Variants in CSRNP3 observed in about 807,000 individuals in gnomAD.
CSRNP3 encodes the protein cysteine/serine-rich nuclear protein 3.
Under a neutral mutation model 48.0 loss-of-function variants are expected in CSRNP3, and 12 were observed. The observed-to-expected ratio is 0.25, with a 90% CI of 0.16 to 0.41. The LOEUF is 0.41. CSRNP3 is among the 10% of genes least tolerant of loss of function. CSRNP3 has a pLI of 1.00. For synonymous variants in CSRNP3, 263 were observed against 269.7 expected, an observed-to-expected ratio of 0.98 and a Z score of 0.24; for missense variants, 580 against 724.4, an observed-to-expected ratio of 0.80 and a Z score of 2.29.
intron 3 of CSRNP3, among the ~76,000 whole-genome samples, chr2:165,549,172 T>G (rs1020382382): frequency 6.6e-6 from 1 of 152,058 alleles, no homozygotes; most frequent in Non-Finnish European, 1.5e-5. Flanking sequence ...TGATTCATAT[T>G]GTGAAGATGA....
At chr2:165,673,416 G>A (rs1391031517) in intron 5 of CSRNP3, among the ~76,000 whole-genome samples, 1 of 151,862 alleles carries the variant, frequency 6.6e-6, no homozygotes, top group Non-Finnish European at 1.5e-5. Context: ...GTGATTACAG[G>A]CATGAGCCAC....
At chr2:165,575,020 T>C (rs1685425883) in intron 3 of CSRNP3, among the ~76,000 whole-genome samples, 1 of 152,228 alleles carries the variant, frequency 6.6e-6, no homozygotes, top group South Asian at 2.1e-4. Context: ...TTGATTTTTC[T>C]AATTGTTATA....
chr2:165,493,409 A>G (rs1198649135), intron 1 of CSRNP3, among the ~76,000 whole-genome samples: 3 of 152,052 alleles, frequency 2.0e-5, no homozygotes, highest in African/African-American at 7.2e-5. Flanking sequence ...TGTTGAGCTG[A>G]TGGGGAAGAG....
At chr2:165,579,455 C>G (rs1278802891) in intron 3 of CSRNP3, among the ~76,000 whole-genome samples, 1 of 152,002 alleles carries the variant, frequency 6.6e-6, no homozygotes, top group African/African-American at 2.4e-5. Flanking sequence ...ATCTTTGTAC[C>G]TCTGCTCTAC....
intron 4 of CSRNP3, among the ~76,000 whole-genome samples, chr2:165,609,300 A>T (rs1375263572): frequency 6.8e-6 from 1 of 147,386 alleles, no homozygotes; most frequent in East Asian, 2.0e-4. Flanking sequence ...CTAAAAAAAA[A>T]TACAAAAAAT....
chr2:165,524,159 G>A (rs1474456674), intron 3 of CSRNP3, among the ~76,000 whole-genome samples: 1 of 152,126 alleles, frequency 6.6e-6, no homozygotes, highest in East Asian at 1.9e-4. Flanking sequence ...TCCAAGGAAA[G>A]TCGATTAACA....
chr2:165,489,351 C>A (rs1433003805), intron 1 of CSRNP3, among the ~76,000 whole-genome samples: 10 of 138,818 alleles, frequency 7.2e-5, no homozygotes, highest in Non-Finnish European at 9.3e-5. Context: ...GATTCACAGC[C>A]GAATTCTACC....
rs1004399920 is a variant in CSRNP3, at chr2:165,680,080, C to A, written c.*327C>A. ...GAGCTCCAAATTTTGGATTATCGGG[C>A]CTGTGCAAGATTGTTAACTAAGGCT... On this transcript the variant is annotated 3_prime_UTR_variant, in exon 7 of 7. Coordinates refer to ENST00000651982, the MANE Select transcript of CSRNP3 (RefSeq NM_001172173.2). 8.4e-6 allele frequency: 2 copies of A among 237,278 alleles called. No homozygotes were observed. Among genetic ancestry groups the A allele is most frequent in the East Asian group, 8.8e-5 (1 of 11,378 alleles). 14.7% of individuals were successfully genotyped at this position (237,278 alleles called of 1,614,324 possible).
chr2:165,470,141 C>T (rs1412093941), intron 1 of CSRNP3, among the ~76,000 whole-genome samples: 1 of 152,052 alleles, frequency 6.6e-6, no homozygotes, highest in African/African-American at 2.4e-5. Context: ...ATGGAGCCTT[C>T]TGTGAATATA....
chr2:165,611,386 C>T (rs200852622), intron 4 of CSRNP3, among the ~76,000 whole-genome samples: 3 of 89,640 alleles, frequency 3.3e-5, no homozygotes, highest in Non-Finnish European at 7.8e-5. Context: ...TGTGTATATA[C>T]ATACATATAT....
intron 3 of CSRNP3, among the ~76,000 whole-genome samples, chr2:165,538,729 C>A (rs994042417): frequency 7.2e-5 from 11 of 151,834 alleles, no homozygotes; most frequent in Non-Finnish European, 1.3e-4. Context: ...TGCCTCCTCC[C>A]CCTCTTAATT....
At chr2:165,618,788 G>T (rs12621848) in intron 4 of CSRNP3, among the ~76,000 whole-genome samples, 55,091 of 151,956 alleles carry the variant, frequency 0.36, 10,398 homozygotes, top group Admixed American at 0.47. Context: ...TGTATTAGGA[G>T]AAAATATTTT....
intron 1 of CSRNP3, among the ~76,000 whole-genome samples, chr2:165,493,483 T>A (rs974747717): frequency 2.6e-5 from 4 of 152,132 alleles, no homozygotes; most frequent in African/African-American, 9.7e-5. Context: ...TCTTGGGCTA[T>A]CTTGTAGAGC....
chr2:165,525,016 A>G (rs1684714628), intron 3 of CSRNP3, among the ~76,000 whole-genome samples: 1 of 152,206 alleles, frequency 6.6e-6, no homozygotes, highest in Non-Finnish European at 1.5e-5. Context: ...GTTTCCCAAA[A>G]TGACAAACCA....
rs368474153 is a variant in CSRNP3, at chr2:165,575,756, A to T, written c.-23-19287A>T. 2.3e-4 allele frequency among the ~76,000 whole-genome samples: 35 copies of T among 152,124 alleles called. No homozygotes were observed. In the South Asian group the frequency reaches 6.4e-3, roughly 28 times the overall value. ...AGGACAATTATTTCAAATATTTATG[A>T]AATTCACTTAGTGGTTATTCAGGGC... On this transcript the variant is annotated intron_variant, in intron 3 of 6. Transcript: ENST00000651982.
Position 165,631,819 on chromosome 2 carries a change from C to G in CSRNP3, c.149-25942C>G, listed in dbSNP as rs150072615. Among the ~76,000 whole-genome samples the G allele has an allele frequency of 9.5e-4, 144 of 152,332 alleles. 1 individual carries two copies. The East Asian group carries it at 0.026, about 28-fold the overall frequency. Reference sequence around the variant, plus strand: ...AAAACAACTACTCTCACTCATCTACCTATTGTCTGTGGCTGCTTTTGCACT... The same window carrying G: ...AAAACAACTACTCTCACTCATCTACGTATTGTCTGTGGCTGCTTTTGCACT... On this transcript the variant is annotated intron_variant, in intron 4 of 6. Transcript: ENST00000651982.
At chr2:165,670,422 C>A (rs1687309464) in intron 5 of CSRNP3, among the ~76,000 whole-genome samples, 1 of 152,116 alleles carries the variant, frequency 6.6e-6, no homozygotes. Flanking sequence ...TCCAAATAAT[C>A]ATAAAAGATT....
At chr2:165,648,681 G>C (rs1268996240) in intron 4 of CSRNP3, among the ~76,000 whole-genome samples, 1 of 152,056 alleles carries the variant, frequency 6.6e-6, no homozygotes, top group East Asian at 1.9e-4. Context: ...AGAATTAGTG[G>C]GGAAGAGGAG....
In CSRNP3 at chr2:165,599,394, GAC is replaced by G. The variant is rs1299207713; in HGVS notation, c.148+4183_148+4184del. ...AGGTTTTTTTGTTTGTTTGTTTTGA[GAC>G]AGTGTCTCACTGTCATGCAGGTAGC... On this transcript the variant is annotated intron_variant, in intron 4 of 6. Coordinates refer to ENST00000651982, the MANE Select transcript of CSRNP3 (RefSeq NM_001172173.2). 3.5e-5 allele frequency among the ~76,000 whole-genome samples: 5 copies of G among 142,336 alleles called. No homozygotes were observed. The East Asian group carries it at 8.3e-4, about 24-fold the overall frequency. The allele number at this position is 142,336 out of a possible 152,430, so 93.4% of individuals were successfully genotyped here. A position where few individuals can be genotyped will look rare whatever the true frequency, so the allele number is the denominator to read the frequency against.
Sources: gnomAD v4.1 joint callset for allele counts (sites outside exome capture counted in the v4.1 genomes callset) on GRCh38, gnomAD v4.1.1 for gene constraint, MANE v1.5 for transcripts, NCBI Gene and HGNC (gene_info 2026-07-23, HGNC 2026-07-21) for gene names.